Variants in CHRNA10 observed in about 807,000 individuals in gnomAD.
The protein encoded by CHRNA10 is cholinergic receptor nicotinic alpha 10 subunit, also known as neuronal acetylcholine receptor subunit alpha-10.
Under a neutral mutation model 36.0 loss-of-function variants are expected in CHRNA10, and 31 were observed. That is an observed-to-expected ratio of 0.86 (90% confidence interval 0.65 to 1.16). The LOEUF (loss-of-function observed/expected upper bound fraction) is 1.16. Ranked by LOEUF, CHRNA10 falls within the 50% of genes most tolerant of loss-of-function variation. The probability of loss-of-function intolerance (pLI) is 0.00; values close to 1 mark genes in which losing one functional copy is unlikely to be tolerated. For synonymous variants in CHRNA10, 302 were observed against 287.0 expected, an observed-to-expected ratio of 1.05 and a Z score of -0.53; for missense variants, 648 against 640.9, an observed-to-expected ratio of 1.01 and a Z score of -0.12.
intron 4 of CHRNA10, 94 bp downstream of exon 4, chr11:3,667,138 A>G (rs927395188): frequency 1.4e-6 from 2 of 1,430,244 alleles, no homozygotes; most frequent in Admixed American, 2.8e-5. Flanking sequence ...CACTTTCTGC[A>G]GTGGGGCCGT....
At chr11:3,668,996 T>G (rs2077692461) in intron 3 of CHRNA10, 200 bp downstream of exon 3, 1 of 574,116 alleles carries the variant, frequency 1.7e-6, no homozygotes, top group African/African-American at 1.9e-5. Flanking sequence ...ACGTTCAGCC[T>G]GGGCTGGCCT....
In CHRNA10 at chr11:3,667,313, C is replaced by T; in HGVS notation, c.814G>A (p.Val272Ile). The T allele has an allele frequency of 1.3e-6, 2 of 1,598,944 alleles. No homozygotes were observed. The highest frequency in any genetic ancestry group is 1.7e-6 in the Non-Finnish European group (2 of 1,178,076). ...ADSGEKVSLG[V>I]TVLLALTVFQ... ...ACGGTGAGCGCCAGCAGCACGGTGACGCCCAGCGACACCTTCTCGCCTGAG... is the reference window on the plus strand; with the variant it reads ...ACGGTGAGCGCCAGCAGCACGGTGATGCCCAGCGACACCTTCTCGCCTGAG... Residue 272 changes from valine to isoleucine, a missense_variant, in exon 4 of 5, where the codon GTC becomes ATC. Coordinates refer to ENST00000250699, the MANE Select transcript of CHRNA10 (RefSeq NM_020402.4).
In CHRNA10 at chr11:3,666,487, A is replaced by G; in HGVS notation, c.973T>C (p.Cys325Arg). The G allele has an allele frequency of 6.2e-7, 1 of 1,608,718 alleles. No homozygotes were observed. The highest frequency in any genetic ancestry group is 1.7e-5 in the Admixed American group (1 of 59,252). ...LTILIMNLHY[C>R]GPSVRPVPAW... ...GGCACTGGGCGGACACTGGGACCAC[A>G]GTAATGCAGGTTCATGATAAGGATG... Residue 325 changes from cysteine (C) to arginine (R), a missense_variant, in exon 5 of 5, where the codon TGT becomes CGT. Transcript: ENST00000250699.
At position 3,666,412 on chromosome 11, in the gene CHRNA10, C is replaced by T. The variant is rs114107148; in HGVS notation, c.1048G>A (p.Val350Met). Residue 350 changes from valine to methionine, a missense_variant, in exon 5 of 5, where the codon GTG (valine) becomes ATG (methionine). Transcript: ENST00000250699. Reference sequence around the variant, plus strand: ...CCACAGGGCTCCCCTCTTTCCCGCACGCACAGGCCCCGTGCCAGGTGTCCC... The same window carrying T: ...CCACAGGGCTCCCCTCTTTCCCGCATGCACAGGCCCCGTGCCAGGTGTCCC... ...LLGHLARGLC[V>M]RERGEPCGQS... 106 of 1,613,990 alleles carry T rather than the reference C, an allele frequency of 6.6e-5. No homozygotes were observed. Among genetic ancestry groups the T allele is most frequent in the African/African-American group, 3.7e-4 (28 of 75,058 alleles).
rs372220271 is a variant in CHRNA10 at position 3,669,963 on chromosome 11, T to A, written c.62-22A>T. ...CACTCTGGAGGGTCAGTAAGGAGGG[T>A]TGTCCATCCCAGGCCCTAGTCCCAG... On this transcript the variant is annotated intron_variant, in intron 1 of 4. Coordinates refer to ENST00000250699, the MANE Select transcript of CHRNA10 (RefSeq NM_020402.4). 5.6e-6 allele frequency: 9 copies of A among 1,613,566 alleles called. No homozygotes were observed. The African/African-American group carries it at 1.1e-4, about 19-fold the overall frequency.
chr11:3,667,872 C>T, intron 3 of CHRNA10, 108 bp from the exon 4 acceptor site: 2 of 983,138 alleles, frequency 2.0e-6, no homozygotes, highest in Non-Finnish European at 1.4e-6. Flanking sequence ...ACCAAAACTT[C>T]TCCCCAGAAT....
intron 3 of CHRNA10, among the ~76,000 whole-genome samples, chr11:3,667,967 C>T (rs2077682458): frequency 6.6e-6 from 1 of 152,234 alleles, no homozygotes; most frequent in Non-Finnish European, 1.5e-5. Context: ...AGGACATCAG[C>T]CCTTCCTTGC....
rs1366089868 is a variant in CHRNA10, at chr11:3,666,568, C to A, written c.896-4G>T. On this transcript the variant is annotated splice_region_variant and splice_polypyrimidine_tract_variant and intron_variant, in intron 4 of 4. Transcript: ENST00000250699. ...ATAGTGGCCATGTAGTACTTCCCTG[C>A]AAGAGAGAGAGAAAGCCAATTGACT... is the stretch of plus-strand genomic sequence containing the variant. 3.3e-6 allele frequency: 5 copies of A among 1,519,952 alleles called. No individual in the cohort carries two copies. The highest frequency in any genetic ancestry group is 4.4e-6 in the Non-Finnish European group (5 of 1,133,430). 94.2% of individuals were successfully genotyped at this position (1,519,952 alleles called of 1,614,324 possible).
At chr11:3,669,062 G>C in intron 3 of CHRNA10, 134 bp downstream of exon 3, 3 of 986,534 alleles carry the variant, frequency 3.0e-6, no homozygotes, top group South Asian at 3.4e-5. Flanking sequence ...CAGCTTAGAA[G>C]GGTCCTGGGG....
chr11:3,667,308 G>A lies in CHRNA10; in HGVS notation c.819C>T (p.Thr273=), dbSNP rs370718990. 1.4e-5 allele frequency: 22 copies of A among 1,599,308 alleles called. No individual in the cohort carries two copies. The African/African-American group carries it at 1.7e-4, about 13-fold the overall frequency. The change falls in exon 4 of 5, where the codon ACC becomes ACT. Residue 273 remains threonine (T), a synonymous_variant. Transcript: ENST00000250699. ...DSGEKVSLGV[T]VLLALTVFQL... ...GGAAGACGGTGAGCGCCAGCAGCACGGTGACGCCCAGCGACACCTTCTCGC... is the reference window on the plus strand; with the variant it reads ...GGAAGACGGTGAGCGCCAGCAGCACAGTGACGCCCAGCGACACCTTCTCGC...
At chr11:3,671,223 G>A in intron 1 of CHRNA10, 29 bp downstream of exon 1, 1 of 1,610,062 alleles carries the variant, frequency 6.2e-7, no homozygotes, top group Non-Finnish European at 8.5e-7. Flanking sequence ...CACCAGGAGA[G>A]GCCAGGGCTG....
Position 3,669,200 on chromosome 11 carries a change from T to TA in CHRNA10, c.357dup (p.Asn120Ter). ...AGGGGCCCAGATAGGCAGTACTTGT[T>TA]ATAGAGTACGATGTCTGGCCGCCAC... On this transcript the variant is annotated frameshift_variant, in exon 3 of 5. Coordinates refer to ENST00000250699, the MANE Select transcript of CHRNA10 (RefSeq NM_020402.4). LOFTEE classifies it high-confidence loss of function. 4 of 1,612,698 alleles carry TA rather than the reference T, an allele frequency of 2.5e-6. No individual in the cohort carries two copies. In the South Asian group the frequency reaches 4.4e-5, roughly 18 times the overall value.
Position 3,667,738 on chromosome 11 carries a change from G to A in CHRNA10, c.389C>T (p.Ala130Val). 6.4e-7 allele frequency: 1 copy of A among 1,562,614 alleles called. No individual in the cohort carries two copies. The highest frequency in any genetic ancestry group is 8.6e-7 in the Non-Finnish European group (1 of 1,161,622). Reference protein sequence around the residue: ...NKADAQPPGSASTNVVLRHDG... With the variant: ...NKADAQPPGSVSTNVVLRHDG... Reference sequence around the variant, plus strand: ...GTGGCGCAGGACCACGTTGGTGCTGGCGGAACCTGGAGGCTGCGCGTCGGC... The same window carrying A: ...GTGGCGCAGGACCACGTTGGTGCTGACGGAACCTGGAGGCTGCGCGTCGGC... Residue 130 changes from alanine to valine, a missense_variant, in exon 4 of 5, where the codon GCC becomes GTC. Ala to Val is a moderately conservative substitution (Grantham distance 64). Transcript: ENST00000250699.
At chr11:3,666,587 A>C (rs2231545) in intron 4 of CHRNA10, 23 bp from the exon 5 acceptor site, 1 of 1,504,034 alleles carries the variant, frequency 6.6e-7, no homozygotes, top group East Asian at 2.3e-5. Context: ...GAGAAAGCCA[A>C]TTGACTCAAA....
At chr11:3,669,399 C>T in intron 2 of CHRNA10, 49 bp from the exon 3 acceptor site, 2 of 1,588,294 alleles carry the variant, frequency 1.3e-6, no homozygotes, top group South Asian at 2.3e-5. Flanking sequence ...TATGCATATC[C>T]TGCCCTGTCT....
intron 3 of CHRNA10, among the ~76,000 whole-genome samples, chr11:3,668,248 T>G (rs2077684974): frequency 6.6e-6 from 1 of 152,178 alleles, no homozygotes; most frequent in Admixed American, 6.5e-5. Flanking sequence ...GTGCGGTGGC[T>G]CACGCCTGTG....
chr11:3,666,386 C>T lies in CHRNA10; in HGVS notation c.1074G>A (p.Gly358=), dbSNP rs765956262. 1.2e-6 allele frequency: 2 copies of T among 1,613,722 alleles called. No homozygotes were observed. The highest frequency in any genetic ancestry group is 1.7e-6 in the Non-Finnish European group (2 of 1,180,008). The part of the protein sequence containing the change: ...LCVRERGEPC[G]QSRPPELSPS... The stretch of plus-strand genomic sequence containing the variant: ...GAGATAACTCAGGTGGCCTGGACTG[C>T]CCACAGGGCTCCCCTCTTTCCCGCA... The change falls in exon 5 of 5, where the codon GGG becomes GGA. Residue 358 remains glycine (G), a synonymous_variant. Transcript: ENST00000250699.
chr11:3,667,091 C>A, intron 4 of CHRNA10, 141 bp downstream of exon 4: 2 of 1,350,862 alleles, frequency 1.5e-6, no homozygotes, highest in South Asian at 3.1e-5. Flanking sequence ...TCCCCTCAGT[C>A]TTAAAATGAG....
Position 3,669,842 on chromosome 11 carries a change from G to C in CHRNA10, c.161C>G (p.Thr54Ser), listed in dbSNP as rs560584147. The C allele has an allele frequency of 3.7e-6, 6 of 1,614,168 alleles. No homozygotes were observed. The South Asian group carries it at 6.6e-5, about 18-fold the overall frequency. The change falls in exon 2 of 5, where the codon ACT becomes AGT. Residue 54 changes from threonine to serine, a missense_variant. Transcript: ENST00000250699. ...ALRPVADTDQ[T>S]LNVTLEVTLS... is the part of the protein sequence containing the mutation. ...TGTCACCTCCAGGGTCACATTCAGA[G>C]TCTGGTCTGTGTCTGCCACAGGTCT...
Sources: gnomAD v4.1 joint callset for allele counts (sites outside exome capture counted in the v4.1 genomes callset) on GRCh38, gnomAD v4.1.1 for gene constraint, MANE v1.5 for transcripts, NCBI Gene and HGNC (gene_info 2026-07-23, HGNC 2026-07-21) for gene names.